Variants in NKAIN3 observed in about 807,000 individuals in gnomAD.
The protein encoded by NKAIN3 is sodium/potassium-transporting ATPase subunit beta-1-interacting protein 3.
A neutral mutation model predicts 30.2 loss-of-function variants in NKAIN3; 25 were observed. The observed-to-expected ratio is 0.83, with a 90% confidence interval of 0.60 to 1.16. The LOEUF (loss-of-function observed/expected upper bound fraction) is 1.16, where lower values mean the gene tolerates loss of function less well. NKAIN3 is among the 50% of genes most tolerant of loss of function. The pLI, the probability that NKAIN3 is intolerant of heterozygous loss-of-function variation, is 0.00. For synonymous variants in NKAIN3, 91 were observed against 89.6 expected, an observed-to-expected ratio of 1.02 and a Z score of -0.09; for missense variants, 225 against 254.1, an observed-to-expected ratio of 0.89 and a Z score of 0.78.
At chr8:62,471,210 T>C (rs1241573575) in intron 1 of NKAIN3, among the ~76,000 whole-genome samples, 1 of 152,110 alleles carries the variant, frequency 6.6e-6, no homozygotes, top group African/African-American at 2.4e-5. Context: ...ATGAAAATGA[T>C]CCACACCATT....
At chr8:62,282,127 G>A (rs1158513568) in intron 1 of NKAIN3, among the ~76,000 whole-genome samples, 2 of 151,858 alleles carry the variant, frequency 1.3e-5, no homozygotes, top group Admixed American at 6.6e-5. Context: ...CTCTCAAGCC[G>A]ACCCCAGACC....
At chr8:62,620,119 A>T (rs560533284) in intron 3 of NKAIN3, among the ~76,000 whole-genome samples, 1 of 152,168 alleles carries the variant, frequency 6.6e-6, no homozygotes, top group Non-Finnish European at 1.5e-5. Flanking sequence ...TTGAAGAGTG[A>T]AAAGTCATAA....
At chr8:62,770,259 C>T (rs1208781008) in intron 4 of NKAIN3, among the ~76,000 whole-genome samples, 1 of 152,162 alleles carries the variant, frequency 6.6e-6, no homozygotes, top group African/African-American at 2.4e-5. Context: ...GGATAATCTA[C>T]AAATTGCCTG....
intron 5 of NKAIN3, among the ~76,000 whole-genome samples, chr8:62,938,063 G>A (rs1489457315): frequency 6.6e-6 from 1 of 152,002 alleles, no homozygotes; most frequent in South Asian, 2.1e-4. Flanking sequence ...TCCAAAGAGA[G>A]GCTGAGCTCA....
intron 1 of NKAIN3, among the ~76,000 whole-genome samples, chr8:62,559,810 C>T (rs973026519): frequency 2.6e-5 from 4 of 151,994 alleles, no homozygotes; most frequent in African/African-American, 9.7e-5. Flanking sequence ...TTAGAAAGCT[C>T]AAGAGGAGAA....
intron 1 of NKAIN3, among the ~76,000 whole-genome samples, chr8:62,323,749 A>G (rs1815019812): frequency 1.3e-5 from 2 of 152,218 alleles, no homozygotes; most frequent in South Asian, 4.1e-4. Context: ...TGATACATCC[A>G]GACAATGAAA....
chr8:62,465,973 G>T (rs2129599760), intron 1 of NKAIN3, among the ~76,000 whole-genome samples: 1 of 152,150 alleles, frequency 6.6e-6, no homozygotes, highest in South Asian at 2.1e-4. Flanking sequence ...AGTGAGCCAA[G>T]ATCGCGCACC....
At chr8:62,414,492 G>A (rs1397799482) in intron 1 of NKAIN3, among the ~76,000 whole-genome samples, 4 of 152,136 alleles carry the variant, frequency 2.6e-5, no homozygotes, top group African/African-American at 9.7e-5. Flanking sequence ...GTGACAGTTA[G>A]CAACAATTCT....
intron 5 of NKAIN3, among the ~76,000 whole-genome samples, chr8:62,995,697 T>A (rs994109167): frequency 5.3e-5 from 8 of 152,278 alleles, no homozygotes; most frequent in Admixed American, 3.9e-4. Flanking sequence ...TAAGAAACTT[T>A]AAGAAGAGTG....
intron 3 of NKAIN3, among the ~76,000 whole-genome samples, chr8:62,596,228 C>T (rs1395940643): frequency 6.6e-6 from 1 of 151,844 alleles, no homozygotes; most frequent in Non-Finnish European, 1.5e-5. Flanking sequence ...CGTGAGTTTC[C>T]TCATTCTATT....
chr8:62,606,022 A>G (rs181021972), intron 3 of NKAIN3, among the ~76,000 whole-genome samples: 9 of 152,250 alleles, frequency 5.9e-5, no homozygotes, highest in Non-Finnish European at 1.2e-4. Flanking sequence ...ATCTTCACAG[A>G]TATGCTGTAA....
At position 62,949,296 on chromosome 8, in the gene NKAIN3, T is replaced by C. The variant is rs115972468; in HGVS notation, c.533-4606T>C. Among the ~76,000 whole-genome samples the C allele has an allele frequency of 9.3e-3, 1,411 of 152,296 alleles. 23 individuals carry two copies. The highest frequency in any genetic ancestry group is 0.033 in the African/African-American group (1,363 of 41,558). ...GACCTGAATCAGTAGCACTGAATTATCTAATGGAAACTTCATTTGTGTGTC... is the reference window on the plus strand; with the variant it reads ...GACCTGAATCAGTAGCACTGAATTACCTAATGGAAACTTCATTTGTGTGTC... On this transcript the variant is annotated intron_variant, in intron 5 of 6. Coordinates refer to ENST00000623646, the MANE Select transcript of NKAIN3 (RefSeq NM_001304533.3).
In NKAIN3 at chr8:62,741,370, G is replaced by GGAAGGAAGGAAGGAAGGAAA. The variant is rs1353722550; in HGVS notation, c.274-5543_274-5542insAGAAGGAAGGAAGGAAGGAA. On this transcript the variant is annotated intron_variant, in intron 3 of 6. Coordinates refer to ENST00000623646, the MANE Select transcript of NKAIN3 (RefSeq NM_001304533.3). ...AGAAGAAAGAGAGAGAAAGAAGGAA[G>GGAAGGAAGGAAGGAAGGAAA]GAAGGAAGGAAGGAAGGAAGGAAGG... Among the ~76,000 whole-genome samples the GGAAGGAAGGAAGGAAGGAAA allele has an allele frequency of 1.3e-3, 104 of 81,218 alleles. 1 individual carries two copies. Among genetic ancestry groups the GGAAGGAAGGAAGGAAGGAAA allele is most frequent in the African/African-American group, 5.9e-3 (98 of 16,686 alleles). 53.3% of individuals were successfully genotyped at this position (81,218 alleles called of 152,430 possible).
intron 4 of NKAIN3, among the ~76,000 whole-genome samples, chr8:62,854,234 G>T (rs1385319677): frequency 6.6e-6 from 1 of 152,178 alleles, no homozygotes; most frequent in Non-Finnish European, 1.5e-5. Flanking sequence ...CCAGAGCTGA[G>T]TTCAGGCCCT....
intron 1 of NKAIN3, among the ~76,000 whole-genome samples, chr8:62,348,294 A>G (rs943764529): frequency 5.9e-5 from 9 of 152,330 alleles, no homozygotes; most frequent in South Asian, 4.1e-4. Context: ...TCTGTTTTGA[A>G]GGAATACTAA....
intron 1 of NKAIN3, among the ~76,000 whole-genome samples, chr8:62,354,181 T>G (rs1310557346): frequency 6.6e-6 from 1 of 152,190 alleles, no homozygotes; most frequent in Non-Finnish European, 1.5e-5. Flanking sequence ...AAACAAAATA[T>G]AAGCACCATT....
chr8:62,668,075 C>T (rs1813183316), intron 3 of NKAIN3, among the ~76,000 whole-genome samples: 1 of 150,158 alleles, frequency 6.7e-6, no homozygotes, highest in Non-Finnish European at 1.5e-5. Context: ...TACGTAAATC[C>T]AGGCCCCACC....
intron 3 of NKAIN3, among the ~76,000 whole-genome samples, chr8:62,620,810 G>A (rs1285834303): frequency 6.6e-6 from 1 of 152,132 alleles, no homozygotes; most frequent in African/African-American, 2.4e-5. Flanking sequence ...CCCAGGAAAG[G>A]CTGACATTTC....
chr8:62,998,717 G>A (rs1804183705), intron 5 of NKAIN3, among the ~76,000 whole-genome samples: 1 of 152,176 alleles, frequency 6.6e-6, no homozygotes, highest in South Asian at 2.1e-4. Context: ...TGATTGTCAT[G>A]CATATTTTTT....
Sources: gnomAD v4.1 joint callset for allele counts (sites outside exome capture counted in the v4.1 genomes callset) on GRCh38, gnomAD v4.1.1 for gene constraint, MANE v1.5 for transcripts, NCBI Gene and HGNC (gene_info 2026-07-23, HGNC 2026-07-21) for gene names.